The following FKBP15 variants were observed in gnomAD, a reference collection of about 807,000 sequenced individuals.
FKBP15 encodes FKBP prolyl isomerase family member 15, also known as FK506-binding protein 15.
Under a neutral mutation model 158.1 loss-of-function variants are expected in FKBP15, and 106 were observed. The ratio of observed to expected loss-of-function variants is 0.67; its 90% CI spans 0.57 to 0.79. The LOEUF (loss-of-function observed/expected upper bound fraction) is 0.79, where lower values mean the gene tolerates loss of function less well. Ranked by LOEUF, FKBP15 falls within the 30% of genes least tolerant of loss-of-function variation. FKBP15 has a pLI of 0.00. For synonymous variants in FKBP15, 547 were observed against 548.6 expected (o/e 1.00, Z 0.04); for missense variants, 1,287 against 1,479.1 (o/e 0.87, Z 2.13).
At position 113,178,814 on chromosome 9, in the gene FKBP15, A is replaced by C. The variant is rs751682332; in HGVS notation, c.1915-13T>G. The C allele has an allele frequency of 1.1e-5, 17 of 1,594,658 alleles. No homozygotes were observed. The South Asian group carries it at 1.7e-4, about 16-fold the overall frequency. ...CTGTCACCTTGGCCTGAATAATAAC[A>C]AAGTATGATGTCACTTTAAACATAG... is the stretch of plus-strand genomic sequence containing the variant. On this transcript the variant is annotated splice_polypyrimidine_tract_variant and intron_variant, in intron 19 of 27. Coordinates refer to ENST00000238256, the MANE Select transcript of FKBP15 (RefSeq NM_015258.2).
intron 11 of FKBP15, 42 bp downstream of exon 11, chr9:113,193,450 C>A (rs988695207): frequency 1.1e-5 from 16 of 1,505,586 alleles, no homozygotes; most frequent in Middle Eastern, 1.7e-4. Flanking sequence ...GTTAGGATTA[C>A]AGGTGTGAAC....
intron 25 of FKBP15, among the ~76,000 whole-genome samples, 192 bp downstream of exon 25, chr9:113,170,330 T>C (rs1175418702): frequency 6.6e-6 from 1 of 152,148 alleles, no homozygotes; most frequent in Non-Finnish European, 1.5e-5. Context: ...CAAAGTCTCA[T>C]TATGTTGCCC....
At position 113,185,346 on chromosome 9, in the gene FKBP15, G is replaced by A. The variant is rs564014688; in HGVS notation, c.1499-542C>T. On this transcript the variant is annotated intron_variant, in intron 15 of 27. Transcript: ENST00000238256. ...GTACACAGTTGTGTTTGTGGGAAGA[G>A]AGGAAAGAGGGACAGAGAATAGTCA... 4.7e-5 allele frequency among the ~76,000 whole-genome samples: 7 copies of A among 149,856 alleles called. No individual in the cohort carries two copies. The South Asian group carries it at 1.5e-3, about 32-fold the overall frequency.
At position 113,206,354 on chromosome 9, in the gene FKBP15, C is replaced by G. The variant is rs1354964340; in HGVS notation, c.324+155G>C. 8 of 595,366 alleles carry G rather than the reference C, an allele frequency of 1.3e-5. No individual in the cohort carries two copies. In the African/African-American group the frequency reaches 1.5e-4, roughly 11 times the overall value. 36.9% of individuals were successfully genotyped at this position (595,366 alleles called of 1,614,324 possible). Reference sequence around the variant, plus strand: ...CGCACAATAGTAAGCAAAATGTGATCATTTACTATATGCTTGATGTTATAA... The same window carrying G: ...CGCACAATAGTAAGCAAAATGTGATGATTTACTATATGCTTGATGTTATAA... On this transcript the variant is annotated intron_variant, in intron 4 of 27. Transcript: ENST00000238256.
chr9:113,201,057 A>G (rs1830780415), intron 6 of FKBP15, among the ~76,000 whole-genome samples: 1 of 151,808 alleles, frequency 6.6e-6, no homozygotes, highest in African/African-American at 2.4e-5. Flanking sequence ...AAAAAAAAAA[A>G]AAGAGTTTCA....
In FKBP15 at chr9:113,217,501, C is replaced by T. The variant is rs143029485; in HGVS notation, c.53+3690G>A. Among the ~76,000 whole-genome samples, 662 of 152,208 alleles carry T rather than the reference C, an allele frequency of 4.3e-3. 1 individual carries two copies. Among genetic ancestry groups the T allele is most frequent in the Non-Finnish European group, 7.0e-3 (475 of 68,012 alleles). On this transcript the variant is annotated intron_variant, in intron 1 of 27. Transcript: ENST00000238256. The stretch of plus-strand genomic sequence containing the variant: ...CTGGGATTACAAGCGTGAACCACCA[C>T]GCACAGTCCCATTTTCTATTAATAT...
At chr9:113,208,912 A>G (rs1225879582) in intron 2 of FKBP15, among the ~76,000 whole-genome samples, 1 of 150,964 alleles carries the variant, frequency 6.6e-6, no homozygotes, top group Non-Finnish European at 1.5e-5. Flanking sequence ...AGGCTGAGGC[A>G]TGAGAATCAC....
rs1830073962 is a variant in FKBP15, at chr9:113,164,903, G to A, written c.*1175C>T. The A allele has an allele frequency of 6.6e-6, 1 of 152,208 alleles. No individual in the cohort carries two copies. The highest frequency in any genetic ancestry group is 6.5e-5 in the Admixed American group (1 of 15,274). 9.4% of individuals were successfully genotyped at this position (152,208 alleles called of 1,614,324 possible). ...TTGTTAAGCAACAAAGAAATAATTAGTTCTCACTGCCTCCCAGGTCCGCAC... is the reference window on the plus strand; with the variant it reads ...TTGTTAAGCAACAAAGAAATAATTAATTCTCACTGCCTCCCAGGTCCGCAC... On this transcript the variant is annotated 3_prime_UTR_variant, in exon 28 of 28. Coordinates refer to ENST00000238256, the MANE Select transcript of FKBP15 (RefSeq NM_015258.2).
In FKBP15 at chr9:113,161,906, C is replaced by A. The variant is rs902634457; in HGVS notation, c.*4172G>T. The A allele has an allele frequency of 2.1e-5, 14 of 675,106 alleles. No homozygotes were observed. The African/African-American group carries it at 2.5e-4, about 12-fold the overall frequency. The allele number at this position is 675,106 out of a possible 1,614,324, so 41.8% of individuals were successfully genotyped here. ...CCAAAGCACTCTGTGAACAGCCAGC[C>A]ACTTGAGAGGCTCAGAAGGCTTTCT... On this transcript the variant is annotated 3_prime_UTR_variant, in exon 28 of 28. Coordinates refer to ENST00000238256, the MANE Select transcript of FKBP15 (RefSeq NM_015258.2).
At position 113,165,022 on chromosome 9, in the gene FKBP15, C is replaced by G. The variant is rs1366531939; in HGVS notation, c.*1056G>C. On this transcript the variant is annotated 3_prime_UTR_variant, in exon 28 of 28. Coordinates refer to ENST00000238256, the MANE Select transcript of FKBP15 (RefSeq NM_015258.2). ...TTTTAAAACATTTAAAATCAAGAAA[C>G]ATTTTTTATTAAAATTAATTATTCT... 2.0e-5 allele frequency: 3 copies of G among 151,142 alleles called. No homozygotes were observed. Among genetic ancestry groups the G allele is most frequent in the African/African-American group, 7.3e-5 (3 of 41,034 alleles). The allele number at this position is 151,142 out of a possible 1,614,324, so 9.4% of individuals were successfully genotyped here. A position where few individuals can be genotyped will look rare whatever the true frequency, so the allele number is the denominator to read the frequency against.
chr9:113,176,532 C>G lies in FKBP15; in HGVS notation c.2223+5G>C, dbSNP rs558515860. 4.7e-5 allele frequency: 73 copies of G among 1,552,908 alleles called. 1 individual carries two copies. The East Asian group carries it at 1.7e-3, about 37-fold the overall frequency. On this transcript the variant is annotated splice_donor_5th_base_variant and intron_variant, in intron 21 of 27. Coordinates refer to ENST00000238256, the MANE Select transcript of FKBP15 (RefSeq NM_015258.2). The stretch of plus-strand genomic sequence containing the variant: ...AATTCTGGCCAACTGGGTTGTAGAG[C>G]TTACCTTTTCCAAGGACTCCTTCTC...
intron 23 of FKBP15, 137 bp from the exon 24 acceptor site, chr9:113,171,843 ATTCT>A (rs1345586261): frequency 1.3e-6 from 1 of 750,020 alleles, no homozygotes; most frequent in Non-Finnish European, 1.9e-6. Flanking sequence ...TTTATTTCAA[ATTCT>A]TTTTTTTTAT....
Position 113,176,471 on chromosome 9 carries a change from T to G in FKBP15, c.2223+66A>C, listed in dbSNP as rs1830301310. ...TACAATAAGCACATACTATTGTAATTTGTAAAAGGAAAATAAAAATGTTTA... is the reference window on the plus strand; with the variant it reads ...TACAATAAGCACATACTATTGTAATGTGTAAAAGGAAAATAAAAATGTTTA... On this transcript the variant is annotated intron_variant, in intron 21 of 27. Coordinates refer to ENST00000238256, the MANE Select transcript of FKBP15 (RefSeq NM_015258.2). 2.0e-6 allele frequency: 3 copies of G among 1,496,270 alleles called. No homozygotes were observed. The Admixed American group carries it at 6.8e-5, about 34-fold the overall frequency. 92.7% of individuals were successfully genotyped at this position (1,496,270 alleles called of 1,614,324 possible).
Position 113,206,543 on chromosome 9 carries a change from C to T in FKBP15, c.290G>A (p.Gly97Asp), listed in dbSNP as rs373253996. ...TGTGTGGTTCCCCAGAACTGCAGCACCAAATTTGCCCTGCTTTACATATTG... is the reference window on the plus strand; with the variant it reads ...TGTGTGGTTCCCCAGAACTGCAGCATCAAATTTGCCCTGCTTTACATATTG... ...NGQYVKQGKFGAAVLGNHTAR... is the reference protein window; with the variant it reads ...NGQYVKQGKFDAAVLGNHTAR... The change falls in exon 4 of 28, where the codon GGT becomes GAT. Residue 97 changes from glycine (G) to aspartate (D), a missense_variant. Transcript: ENST00000238256. 9.6e-5 allele frequency: 155 copies of T among 1,613,730 alleles called. No individual in the cohort carries two copies. Among genetic ancestry groups the T allele is most frequent in the Non-Finnish European group, 1.3e-4 (151 of 1,179,842 alleles).
chr9:113,176,187 C>T (rs547712191), intron 21 of FKBP15, among the ~76,000 whole-genome samples: 39 of 152,258 alleles, frequency 2.6e-4, no homozygotes, highest in African/African-American at 7.9e-4. Context: ...CAGTTAACTA[C>T]GAGTGAGAAA....
Position 113,184,778 on chromosome 9 carries a change from T to C in FKBP15, c.1525A>G (p.Met509Val). 1 of 1,602,942 alleles carries C rather than the reference T, an allele frequency of 6.2e-7. No individual in the cohort carries two copies. ...QGSGDMASFL[M>V]TEARQHNTEI... ...GTGTTATGTTGCCGGGCTTCAGTCA[T>C]GAGAAATGAAGCCATATCACCTGAT... Residue 509 changes from methionine to valine, a missense_variant, in exon 16 of 28, where the codon ATG (methionine) becomes GTG (valine). By Grantham distance (21) the Met-to-Val change is conservative. Transcript: ENST00000238256. The surrounding 1 kb of genome is among the most constrained non-coding windows in gnomAD (Gnocchi z 4.5).
intron 9 of FKBP15, among the ~76,000 whole-genome samples, chr9:113,196,367 G>C (rs1362644660): frequency 7.0e-6 from 1 of 142,724 alleles, no homozygotes; most frequent in African/African-American, 2.6e-5. Flanking sequence ...AAAAATCTTA[G>C]TGTGAAGAAG....
At chr9:113,196,054 G>A (rs1830674397) in intron 9 of FKBP15, among the ~76,000 whole-genome samples, 1 of 151,746 alleles carries the variant, frequency 6.6e-6, no homozygotes, top group South Asian at 2.1e-4. Context: ...ACGCACATAT[G>A]AGACCATACT....
Position 113,190,588 on chromosome 9 carries a change from G to A in FKBP15, c.1066-10C>T, listed in dbSNP as rs554098067. On this transcript the variant is annotated splice_polypyrimidine_tract_variant and intron_variant, in intron 11 of 27. Coordinates refer to ENST00000238256, the MANE Select transcript of FKBP15 (RefSeq NM_015258.2). ...TGACTGCATCGGGACTCTAAAAAGA[G>A]AGGAAAGTCACAAAAATCACTGTGA... 2 of 1,597,078 alleles carry A rather than the reference G, an allele frequency of 1.3e-6. No individual in the cohort carries two copies. Among genetic ancestry groups the A allele is most frequent in the Non-Finnish European group, 1.7e-6 (2 of 1,170,410 alleles).
Sources: allele counts gnomAD v4.1 joint callset (sites outside exome capture counted in the v4.1 genomes callset), GRCh38; gene constraint gnomAD v4.1.1; non-coding constraint Gnocchi (gnomAD v3.1); transcripts MANE v1.5; gene names NCBI Gene and HGNC (gene_info 2026-07-23, HGNC 2026-07-21).